SNX15: variants seen among roughly 807,000 people sequenced by gnomAD.
The protein encoded by SNX15 is sorting nexin-15.
Under a neutral mutation model 35.2 loss-of-function variants are expected in SNX15, and 29 were observed. The observed-to-expected ratio is 0.82, with a 90% confidence interval of 0.61 to 1.12. The LOEUF (loss-of-function observed/expected upper bound fraction) is 1.12. SNX15 is among the 50% of genes most tolerant of loss of function. The probability of loss-of-function intolerance (pLI) is 0.00; values close to 1 mark genes in which losing one functional copy is unlikely to be tolerated. For missense variants in SNX15, 400 were observed against 451.5 expected (o/e 0.89, Z 1.03); for synonymous variants, 189 against 188.2 (o/e 1.00, Z -0.03).
At chr11:65,035,246 G>A in intron 5 of SNX15, 40 bp downstream of exon 5, 3 of 1,511,372 alleles carry the variant, frequency 2.0e-6, no homozygotes, top group Admixed American at 2.4e-5. Context: ...GCTGGAGGGT[G>A]CAGAGTGGGG....
At chr11:65,030,835 G>T (rs1388797689) in intron 1 of SNX15, among the ~76,000 whole-genome samples, 3 of 151,932 alleles carry the variant, frequency 2.0e-5, no homozygotes, top group Non-Finnish European at 4.4e-5. Flanking sequence ...TCTTTTACCA[G>T]AATATTTTAG....
intron 1 of SNX15, among the ~76,000 whole-genome samples, chr11:65,029,159 CGTT>C (rs1326207906): frequency 2.0e-5 from 3 of 151,166 alleles, no homozygotes; most frequent in Non-Finnish European, 4.4e-5. Flanking sequence ...TTTTTTGTGT[CGTT>C]GTTTTGTTTT....
chr11:65,030,345 C>A (rs1946427240), intron 1 of SNX15, among the ~76,000 whole-genome samples: 1 of 151,086 alleles, frequency 6.6e-6, no homozygotes, highest in Non-Finnish European at 1.5e-5. Flanking sequence ...CAGAGTGAGA[C>A]TCCATCTCAA....
At position 65,027,752 on chromosome 11, in the gene SNX15, C is replaced by T. The variant is rs538087327; in HGVS notation, c.99+116C>T. Reference sequence around the variant, plus strand: ...TTTTAGACGACAGAAATGGGTTTCCCCTTTAAGGGGAGGTTGCAGTACGAG... The same window carrying T: ...TTTTAGACGACAGAAATGGGTTTCCTCTTTAAGGGGAGGTTGCAGTACGAG... On this transcript the variant is annotated intron_variant, in intron 1 of 7. Transcript: ENST00000377244. 3.5e-4 allele frequency: 268 copies of T among 761,992 alleles called. 1 individual carries two copies. The African/African-American group carries it at 4.2e-3, about 12-fold the overall frequency. 47.2% of individuals were successfully genotyped at this position (761,992 alleles called of 1,614,324 possible).
chr11:65,039,029 C>CTTTTTTGTTTTTTTTTTTTT (rs1946538251), intron 7 of SNX15, among the ~76,000 whole-genome samples, 200 bp downstream of exon 7: 1 of 72,528 alleles, frequency 1.4e-5, no homozygotes, highest in Admixed American at 1.7e-4. Flanking sequence ...TCTTCTTCCT[C>CTTTTTTGTTTTTTTTTTTTT]TTTTTTTTTT....
In SNX15 at chr11:65,032,461, CGCAA is replaced by C. The variant is rs1042691006; in HGVS notation, c.169_172del (p.Lys57CysfsTer35). ...GGTCTGGAAGCGGTACAGCGACTTC[CGCAA>C]GCTGCATGGAGACCTGGCCTACACC... On this transcript the variant is annotated frameshift_variant, in exon 3 of 8. Transcript: ENST00000377244. LOFTEE classifies it high-confidence loss of function. 1 of 1,614,148 alleles carries C rather than the reference CGCAA, an allele frequency of 6.2e-7. No homozygotes were observed. Among genetic ancestry groups the C allele is most frequent in the Non-Finnish European group, 8.5e-7 (1 of 1,180,030 alleles).
chr11:65,030,448 C>A (rs1452407718), intron 1 of SNX15, among the ~76,000 whole-genome samples: 1 of 150,378 alleles, frequency 6.6e-6, no homozygotes, highest in Non-Finnish European at 1.5e-5. Flanking sequence ...CCATTTTGGC[C>A]TTCCAAAGTG....
At position 65,028,727 on chromosome 11, in the gene SNX15, C is replaced by T. The variant is rs114866692; in HGVS notation, c.99+1091C>T. 6.0e-3 allele frequency among the ~76,000 whole-genome samples: 913 copies of T among 151,084 alleles called. 13 individuals carry two copies. The highest frequency in any genetic ancestry group is 0.021 in the African/African-American group (872 of 41,154). ...AAAAAAGCAAATAAATAGATTGTCC[C>T]TGGGAAGATAGACTGGAGGTGGGGC... On this transcript the variant is annotated intron_variant, in intron 1 of 7. Transcript: ENST00000377244.
intron 2 of SNX15, 111 bp from the exon 3 acceptor site, chr11:65,032,320 G>A: frequency 1.3e-6 from 2 of 1,586,182 alleles, no homozygotes; most frequent in Non-Finnish European, 1.7e-6. Context: ...CCCTGGGCGA[G>A]GGGCTGCTGC....
At chr11:65,039,599 G>A (rs2136944787) in intron 7 of SNX15, 87 bp from the exon 8 acceptor site, 3 of 739,950 alleles carry the variant, frequency 4.1e-6, no homozygotes, top group Non-Finnish European at 7.1e-6. Flanking sequence ...ACATGGTGAT[G>A]CTCTGCGAAT....
rs575961689 is a variant in SNX15, at chr11:65,035,794, T to C, written c.664+131T>C. ...AGACGTCTCCTCAGCAGTGCTGCCC[T>C]GTGGGCCAATAGCAGCTTCAATGAG... On this transcript the variant is annotated intron_variant, in intron 6 of 7. Transcript: ENST00000377244. 13 of 899,384 alleles carry C rather than the reference T, an allele frequency of 1.4e-5. No homozygotes were observed. The African/African-American group carries it at 2.0e-4, about 14-fold the overall frequency. 55.7% of individuals were successfully genotyped at this position (899,384 alleles called of 1,614,324 possible).
intron 1 of SNX15, 97 bp from the exon 2 acceptor site, chr11:65,032,071 C>T: frequency 8.2e-7 from 1 of 1,221,838 alleles, no homozygotes; most frequent in Non-Finnish European, 1.2e-6. Flanking sequence ...GGCTACTGCC[C>T]CGTGAGGGGG....
chr11:65,030,412 C>G (rs1163673892), intron 1 of SNX15, among the ~76,000 whole-genome samples: 2 of 150,200 alleles, frequency 1.3e-5, no homozygotes, highest in Non-Finnish European at 2.9e-5. Context: ...AGGCTGGTCT[C>G]AAACTCCTGG....
chr11:65,032,966 T>C (rs559644), intron 3 of SNX15, among the ~76,000 whole-genome samples: 82,280 of 151,944 alleles, frequency 0.54, 23,598 homozygotes, highest in Non-Finnish European at 0.63. Context: ...ACCTCCACCT[T>C]CCAGGTTCAA....
At chr11:65,035,300 G>A in intron 5 of SNX15, 94 bp downstream of exon 5, 1 of 1,334,066 alleles carries the variant, frequency 7.5e-7, no homozygotes, top group South Asian at 1.5e-5. Flanking sequence ...TGAGAAATGT[G>A]TGTGTGTCCC....
chr11:65,031,015 T>G (rs1219610237), intron 1 of SNX15, among the ~76,000 whole-genome samples: 4 of 151,872 alleles, frequency 2.6e-5, no homozygotes, highest in Non-Finnish European at 4.4e-5. Context: ...GAAATAGATG[T>G]TTTTATTTAT....
At chr11:65,039,184 T>C (rs2136943528) in intron 7 of SNX15, among the ~76,000 whole-genome samples, 1 of 146,152 alleles carries the variant, frequency 6.8e-6, no homozygotes, top group Admixed American at 6.8e-5. Flanking sequence ...CCACCATGCC[T>C]GGCTAATTTT....
intron 1 of SNX15, among the ~76,000 whole-genome samples, chr11:65,029,946 G>C (rs115716523): frequency 0.017 from 2,591 of 152,164 alleles, 88 homozygotes; most frequent in African/African-American, 0.059. Flanking sequence ...GTGTGCAGTG[G>C]CATGATTCAC....
intron 1 of SNX15, among the ~76,000 whole-genome samples, chr11:65,031,297 T>TA (rs1946437163): frequency 6.6e-6 from 1 of 152,236 alleles, no homozygotes; most frequent in African/African-American, 2.4e-5. Context: ...GTGCTGGCAT[T>TA]ACAGGTGTGA....
Sources: allele counts gnomAD v4.1 joint callset (sites outside exome capture counted in the v4.1 genomes callset), GRCh38; gene constraint gnomAD v4.1.1; transcripts MANE v1.5; gene names NCBI Gene and HGNC (gene_info 2026-07-23, HGNC 2026-07-21).